The following NSG1 variants were observed in gnomAD, a reference collection of about 807,000 sequenced individuals.
NSG1 encodes the protein neuronal vesicle trafficking-associated protein 1.
Under a neutral mutation model 19.3 loss-of-function variants are expected in NSG1, and 9 were observed. That is an observed-to-expected ratio of 0.47 (90% CI 0.28 to 0.81). NSG1 has a LOEUF of 0.81. NSG1 is among the 40% of genes least tolerant of loss of function. The pLI is 0.11. For synonymous variants in NSG1, 104 were observed against 107.0 expected (o/e 0.97, Z 0.17); for missense variants, 236 against 242.4 (o/e 0.97, Z 0.18).
intron 2 of NSG1, 42 bp from the exon 3 acceptor site, chr4:4,391,433 T>C: frequency 7.2e-7 from 1 of 1,380,792 alleles, no homozygotes; most frequent in Non-Finnish European, 1.0e-6. Context: ...GGCAGATATG[T>C]CTGAATGCAT....
In NSG1 at chr4:4,388,490, A is replaced by G. The variant is rs569938227; in HGVS notation, c.129+732A>G. Among the ~76,000 whole-genome samples, 24 of 152,382 alleles carry G rather than the reference A, an allele frequency of 1.6e-4. No individual in the cohort carries two copies. The South Asian group carries it at 5.0e-3, about 32-fold the overall frequency. Reference sequence around the variant, plus strand: ...TCTGTTTGCTAAGAATAATATTTCCAAGAGTTAACACTTAAAAATGTAAAT... The same window carrying G: ...TCTGTTTGCTAAGAATAATATTTCCGAGAGTTAACACTTAAAAATGTAAAT... On this transcript the variant is annotated intron_variant, in intron 2 of 4. Transcript: ENST00000621129.
intron 3 of NSG1, among the ~76,000 whole-genome samples, chr4:4,397,921 C>G (rs1723349235): frequency 5.3e-5 from 8 of 151,848 alleles, no homozygotes; most frequent in Admixed American, 5.2e-4. Context: ...AGCCTCCCGC[C>G]TCTCTCCTCT....
At chr4:4,390,758 GCCAGGGCTGTGAGTGT>G (rs1316376819) in intron 2 of NSG1, among the ~76,000 whole-genome samples, 1 of 152,198 alleles carries the variant, frequency 6.6e-6, no homozygotes, top group Non-Finnish European at 1.5e-5. Context: ...CGCCGCTGAG[GCCAGGGCTGTGAGTGT>G]CCAGGGCTGG....
At chr4:4,390,426 C>A (rs556409681) in intron 2 of NSG1, among the ~76,000 whole-genome samples, 1 of 152,230 alleles carries the variant, frequency 6.6e-6, no homozygotes, top group Non-Finnish European at 1.5e-5. Flanking sequence ...GTCGTAGCAC[C>A]GGATGAGAGG....
At chr4:4,409,403 G>T (rs560566210) in intron 3 of NSG1, among the ~76,000 whole-genome samples, 170 bp from the exon 4 acceptor site, 63 of 152,304 alleles carry the variant, frequency 4.1e-4, no homozygotes, top group African/African-American at 1.3e-3. Context: ...CCAAAAAATT[G>T]CCCAGTGAAC....
chr4:4,397,345 C>A (rs1007047815), intron 3 of NSG1, among the ~76,000 whole-genome samples: 69 of 152,146 alleles, frequency 4.5e-4, no homozygotes, highest in Admixed American at 9.8e-4. Context: ...TGATGGTTGA[C>A]CCTGCTGTCC....
chr4:4,386,984 C>G (rs943493441), upstream of NSG1: 1 of 90,790 alleles, frequency 1.1e-5, no homozygotes, highest in Non-Finnish European at 2.6e-5. Context: ...CGCACCCACC[C>G]GCGCGCACCC....
intron 4 of NSG1, among the ~76,000 whole-genome samples, chr4:4,412,872 C>T (rs1724290867): frequency 6.6e-6 from 1 of 152,214 alleles, no homozygotes; most frequent in Admixed American, 6.5e-5. Context: ...CCTGGCTTGG[C>T]AGCTGTCACT....
intron 2 of NSG1, 43 bp downstream of exon 2, chr4:4,387,801 C>G (rs570688043): frequency 3.3e-6 from 5 of 1,513,024 alleles, no homozygotes; most frequent in African/African-American, 2.8e-5. Context: ...GTGTGCACCC[C>G]CAAATCTCGC....
At chr4:4,398,817 G>T (rs942043189) in intron 3 of NSG1, among the ~76,000 whole-genome samples, 2 of 152,160 alleles carry the variant, frequency 1.3e-5, no homozygotes, top group Non-Finnish European at 2.9e-5. Context: ...GAGTAGAATT[G>T]CTGGGCTGTG....
intron 3 of NSG1, among the ~76,000 whole-genome samples, chr4:4,403,507 G>A (rs1332026784): frequency 6.6e-6 from 1 of 152,156 alleles, no homozygotes; most frequent in Non-Finnish European, 1.5e-5. Context: ...CTCAGCAGGG[G>A]CACCTCCCTC....
chr4:4,409,241 C>A (rs893505043), intron 3 of NSG1, among the ~76,000 whole-genome samples: 3 of 152,264 alleles, frequency 2.0e-5, no homozygotes, highest in Non-Finnish European at 1.5e-5. Flanking sequence ...CCACTTCTCA[C>A]ACATGTGTCT....
intron 3 of NSG1, among the ~76,000 whole-genome samples, chr4:4,400,980 A>T (rs1449771125): frequency 6.6e-6 from 1 of 152,236 alleles, no homozygotes; most frequent in Non-Finnish European, 1.5e-5. Context: ...GGTTTCACAC[A>T]GCTGCCAAAG....
chr4:4,398,451 C>G (rs1055326277), intron 3 of NSG1, among the ~76,000 whole-genome samples: 2 of 152,108 alleles, frequency 1.3e-5, no homozygotes, highest in East Asian at 1.9e-4. Context: ...CCATGCCCCC[C>G]CCCACAGCCC....
intron 3 of NSG1, among the ~76,000 whole-genome samples, chr4:4,396,017 C>T (rs983791731): frequency 1.3e-5 from 2 of 152,140 alleles, no homozygotes; most frequent in African/African-American, 4.8e-5. Context: ...CTGAGAGACT[C>T]CGCCACACGG....
chr4:4,393,703 C>T (rs1292395848), intron 3 of NSG1, among the ~76,000 whole-genome samples: 2 of 152,212 alleles, frequency 1.3e-5, no homozygotes, highest in African/African-American at 2.4e-5. Flanking sequence ...CCCCTTTACA[C>T]GTAAGGCTGT....
intron 3 of NSG1, among the ~76,000 whole-genome samples, chr4:4,398,948 G>T (rs573123379): frequency 2.0e-5 from 3 of 152,128 alleles, no homozygotes; most frequent in African/African-American, 7.2e-5. Context: ...ACCAGCACTT[G>T]TTTGTTTTTA....
intron 3 of NSG1, among the ~76,000 whole-genome samples, chr4:4,405,752 G>A (rs187370423): frequency 3.6e-4 from 55 of 152,294 alleles, no homozygotes; most frequent in African/African-American, 1.2e-3. Context: ...CTCCCTGGAT[G>A]TATTTCTTTG....
At chr4:4,391,912 A>AATATTC (rs1391103026) in intron 3 of NSG1, among the ~76,000 whole-genome samples, 2 of 152,236 alleles carry the variant, frequency 1.3e-5, no homozygotes, top group African/African-American at 2.4e-5. Flanking sequence ...TATTTACTTA[A>AATATTC]CAGTTCCAGG....
Sources: gnomAD v4.1 joint callset for allele counts (sites outside exome capture counted in the v4.1 genomes callset) on GRCh38, gnomAD v4.1.1 for gene constraint, MANE v1.5 for transcripts, NCBI Gene and HGNC (gene_info 2026-07-23, HGNC 2026-07-21) for gene names.